WDR13: variants seen among roughly 807,000 people sequenced by gnomAD.
WDR13 encodes the protein WD repeat-containing protein 13.
Under a neutral mutation model 28.6 loss-of-function variants are expected in WDR13, and 1 was observed. The ratio of observed to expected loss-of-function variants is 0.03; its 90% confidence interval spans 0.01 to 0.17. The LOEUF (loss-of-function observed/expected upper bound fraction) is 0.17, where lower values mean the gene tolerates loss of function less well. WDR13 is among the 10% of genes least tolerant of loss of function. The pLI is 1.00. For missense variants in WDR13, 264 were observed against 469.3 expected, an observed-to-expected ratio of 0.56 and a Z score of 4.04; for synonymous variants, 201 against 185.9, an observed-to-expected ratio of 1.08 and a Z score of -0.66.
intron 6 of WDR13, 143 bp downstream of exon 6, chrX:48,600,769 A>G: frequency 2.9e-6 from 2 of 681,034 alleles, no homozygotes; most frequent in Non-Finnish European, 4.2e-6. Context: ...GAGCAGTCCT[A>G]GTGTGGTCAG....
At chrX:48,598,693 C>T in intron 2 of WDR13, 24 bp from the exon 3 acceptor site, 1 of 1,005,161 alleles carries the variant, frequency 9.9e-7, no homozygotes. Flanking sequence ...TGCCTGCTGC[C>T]TGCCCTGCAT....
At chrX:48,598,185 C>T (rs2062156106) in intron 2 of WDR13, 148 bp downstream of exon 2, 1 of 1,130,166 alleles carries the variant, frequency 8.8e-7, no homozygotes, top group African/African-American at 1.9e-5. Context: ...GCGGGCACGC[C>T]CGCGGTGAGT....
chrX:48,600,566 C>G lies in WDR13; in HGVS notation c.771C>G (p.Asp257Glu). ...EDGRCIREIP[D>E]PDSAELLCCT... ...GTCGCTGCATCCGAGAGATCCCTGACCCCGATAGCGCTGAACTGCTCTGCT... is the reference window on the plus strand; with the variant it reads ...GTCGCTGCATCCGAGAGATCCCTGAGCCCGATAGCGCTGAACTGCTCTGCT... The change falls in exon 6 of 10, where the codon GAC (aspartate) becomes GAG (glutamate). Residue 257 changes from aspartate to glutamate, a missense_variant. This residue lies in a region of WDR13 where 157 missense variants were observed against 270.2 expected (regional missense o/e 0.58). Transcript: ENST00000376729. 1.7e-6 allele frequency: 2 copies of G among 1,211,772 alleles called. No individual in the cohort carries two copies. The highest frequency in any genetic ancestry group is 2.2e-6 in the Non-Finnish European group (2 of 895,470).
At position 48,598,051 on chromosome X, in the gene WDR13, T is replaced by C; in HGVS notation, c.41+14T>C. The C allele has an allele frequency of 7.7e-6, 9 of 1,162,377 alleles. No individual in the cohort carries two copies. The highest frequency in any genetic ancestry group is 1.0e-5 in the Non-Finnish European group (9 of 870,959). ...AGTGGACGCGAGGTGAGGCGTGGGG[T>C]CAAAGCCCATGGGAGCAGAACTTAC... On this transcript the variant is annotated intron_variant, in intron 2 of 9. Transcript: ENST00000376729.
chrX:48,601,590 C>T (rs781926009), intron 6 of WDR13, among the ~76,000 whole-genome samples, 194 bp from the exon 7 acceptor site: 46 of 112,140 alleles, frequency 4.1e-4, no homozygotes, highest in Admixed American at 7.5e-4. Context: ...AGGTGGCCTA[C>T]TCTGGGCAGA....
intron 8 of WDR13, 48 bp downstream of exon 8, chrX:48,602,254 C>T (rs1556994914): frequency 8.6e-7 from 1 of 1,158,183 alleles, no homozygotes; most frequent in Admixed American, 2.2e-5. Flanking sequence ...CTGCCTCCTC[C>T]AGCACACTGG....
chrX:48,604,784 CAG>C (rs1343376309), intron 9 of WDR13, 62 bp from the exon 10 acceptor site: 3 of 1,134,813 alleles, frequency 2.6e-6, no homozygotes, highest in Non-Finnish European at 3.6e-6. Context: ...TCAGACACCT[CAG>C]GGACTTCCCA....
At chrX:48,601,302 C>A (rs1460733323) in intron 6 of WDR13, among the ~76,000 whole-genome samples, 1 of 112,548 alleles carries the variant, frequency 8.9e-6, no homozygotes, top group African/African-American at 3.2e-5. Flanking sequence ...GTGTCAGACT[C>A]CAGGGTAGAT....
chrX:48,604,597 G>A (rs1202562576), intron 9 of WDR13, among the ~76,000 whole-genome samples: 4 of 112,742 alleles, frequency 3.5e-5, no homozygotes, highest in African/African-American at 9.6e-5. Context: ...CCAAAAGGCC[G>A]AGAAGTGATG....
At chrX:48,597,826 A>C in intron 1 of WDR13, 132 bp from the exon 2 acceptor site, 1 of 852,078 alleles carries the variant, frequency 1.2e-6, no homozygotes, top group Non-Finnish European at 1.6e-6. Flanking sequence ...GACCATGGTA[A>C]CACCCGGGGG....
At position 48,608,120 on chromosome X, in the gene WDR13, T is replaced by C. The variant is rs1332513582; in HGVS notation, c.*3088T>C. 3 of 100,305 alleles carry C rather than the reference T, an allele frequency of 3.0e-5. No homozygotes were observed. Among genetic ancestry groups the C allele is most frequent in the Admixed American group, 2.1e-4 (2 of 9,580 alleles). 8.3% of individuals were successfully genotyped at this position (100,305 alleles called of 1,213,427 possible). A position where few individuals can be genotyped will look rare whatever the true frequency, so the allele number is the denominator to read the frequency against. The stretch of plus-strand genomic sequence containing the variant: ...TAGAGTAAGCCATTCTTTTTTTTCT[T>C]TCTTTCTTTTTTTTTTTTTTTGAGA... On this transcript the variant is annotated 3_prime_UTR_variant, in exon 10 of 10. Transcript: ENST00000376729.
intron 5 of WDR13, 52 bp downstream of exon 5, chrX:48,599,769 C>T (rs1556993883): frequency 8.3e-7 from 1 of 1,199,575 alleles, no homozygotes; most frequent in African/African-American, 1.7e-5. Flanking sequence ...CAAACTGTGA[C>T]AACCAACCAA....
intron 4 of WDR13, 24 bp downstream of exon 4, chrX:48,599,486 CG>C (rs782474092): frequency 1.7e-6 from 2 of 1,202,082 alleles, no homozygotes; most frequent in African/African-American, 3.5e-5. Context: ...GCAGCCAAGG[CG>C]GGGGGCGGGT....
chrX:48,597,958 G>T lies in WDR13; in HGVS notation c.-39G>T. The T allele has an allele frequency of 8.6e-7, 1 of 1,164,324 alleles. No homozygotes were observed. The highest frequency in any genetic ancestry group is 1.1e-6 in the Non-Finnish European group (1 of 871,697). On this transcript the variant is annotated splice_region_variant and 5_prime_UTR_variant, in exon 2 of 10. Transcript: ENST00000376729. Reference sequence around the variant, plus strand: ...CACATTCCAGGCCCTTGTCCTGCAGGCTGCCGCGGGCGGACACGCCAGAGG... The same window carrying T: ...CACATTCCAGGCCCTTGTCCTGCAGTCTGCCGCGGGCGGACACGCCAGAGG...
At chrX:48,603,054 T>TA (rs1556995126) in intron 8 of WDR13, among the ~76,000 whole-genome samples, 1 of 111,494 alleles carries the variant, frequency 9.0e-6, no homozygotes, top group Non-Finnish European at 1.9e-5. Flanking sequence ...GTTTTGCTGT[T>TA]ACCCAGATTG....
chrX:48,601,708 C>T (rs1042002314), intron 6 of WDR13, 76 bp from the exon 7 acceptor site: 2 of 1,027,634 alleles, frequency 1.9e-6, no homozygotes, highest in Non-Finnish European at 2.6e-6. Flanking sequence ...GTCGCATCAA[C>T]AGCAGCCCCA....
intron 5 of WDR13, 111 bp downstream of exon 5, chrX:48,599,828 T>C: frequency 1.9e-6 from 2 of 1,077,931 alleles, no homozygotes; most frequent in Non-Finnish European, 2.5e-6. Context: ...AAAGGAGGAA[T>C]GACCATCCAT....
intron 8 of WDR13, 112 bp from the exon 9 acceptor site, chrX:48,604,160 G>T: frequency 1.6e-6 from 1 of 621,421 alleles, no homozygotes; most frequent in Non-Finnish European, 2.5e-6. Context: ...AAAAAATATG[G>T]GTTTCATGAA....
intron 6 of WDR13, 30 bp downstream of exon 6, chrX:48,600,656 G>T (rs1556994197): frequency 8.4e-7 from 1 of 1,189,524 alleles, no homozygotes; most frequent in Non-Finnish European, 1.1e-6. Flanking sequence ...ACTCACCAAG[G>T]GCTGGTGGGC....
Sources: allele counts gnomAD v4.1 joint callset (sites outside exome capture counted in the v4.1 genomes callset), GRCh38; gene constraint gnomAD v4.1.1; regional missense constraint gnomAD v4.1.1; transcripts MANE v1.5; gene names NCBI Gene and HGNC (gene_info 2026-07-23, HGNC 2026-07-21).